Variants in RBPJ observed in about 807,000 individuals in gnomAD.
RBPJ encodes recombination signal binding protein for immunoglobulin kappa J region, also known as recombining binding protein suppressor of hairless.
A neutral mutation model predicts 67.8 loss-of-function variants in RBPJ; 9 were observed. The ratio of observed to expected loss-of-function variants is 0.13; its 90% CI spans 0.08 to 0.23. The LOEUF (loss-of-function observed/expected upper bound fraction) is 0.23, where lower values mean the gene tolerates loss of function less well. Among genes scored for constraint, RBPJ ranks in the 10% least tolerant of loss-of-function variants. The pLI is 1.00. For synonymous variants in RBPJ, 198 were observed against 203.3 expected (o/e 0.97, Z 0.22); for missense variants, 305 against 595.6 (o/e 0.51, Z 5.08).
Position 26,286,407 on chromosome 4 carries a change from A to G in RBPJ, c.-166-76039A>G, listed in dbSNP as rs1577389847. On this transcript the variant is annotated intron_variant, in intron 1 of 4. Transcript: ENST00000512351. ...AGGATCACATGAGCCAAAGAAATCA[A>G]GGCTCTCGTGAGCTGTGGTCGCACC... Among the ~76,000 whole-genome samples the G allele has an allele frequency of 2.7e-5, 4 of 149,792 alleles. No homozygotes were observed. In the South Asian group the frequency reaches 6.3e-4, roughly 24 times the overall value.
At chr4:26,138,459 G>C in the RBPJ span, among the ~76,000 whole-genome samples, 1 of 152,186 alleles carries the variant, frequency 6.6e-6, no homozygotes, top group African/African-American at 2.4e-5. Flanking sequence ...AGCTGCTCTG[G>C]AAAGAGGCTC....
intron 1 of RBPJ, among the ~76,000 whole-genome samples, chr4:26,294,184 G>A (rs1191847495): frequency 2.0e-5 from 3 of 151,792 alleles, no homozygotes; most frequent in Admixed American, 6.6e-5. Context: ...TGCAACCTCT[G>A]TCACCCGGGT....
chr4:26,147,118 G>A, the RBPJ span, among the ~76,000 whole-genome samples: 1 of 152,228 alleles, frequency 6.6e-6, no homozygotes, highest in Admixed American at 6.5e-5. Context: ...TCAGACACGT[G>A]TGTGAGTTCC....
intron 1 of RBPJ, among the ~76,000 whole-genome samples, chr4:26,211,514 A>G: frequency 6.6e-6 from 1 of 152,106 alleles, no homozygotes; most frequent in African/African-American, 2.4e-5. Context: ...TAAATAATTC[A>G]CCTCTGTAAA....
intron 1 of RBPJ, among the ~76,000 whole-genome samples, chr4:26,227,818 C>G (rs1250761551): frequency 6.6e-6 from 1 of 152,254 alleles, no homozygotes; most frequent in African/African-American, 2.4e-5. Context: ...CACGCTTGCT[C>G]CATGTCTCCC....
At chr4:26,387,901 G>A (rs1421460357) in intron 2 of RBPJ, among the ~76,000 whole-genome samples, 1 of 152,120 alleles carries the variant, frequency 6.6e-6, no homozygotes, top group Non-Finnish European at 1.5e-5. Context: ...TATAAAATTG[G>A]GTCCAGGCAT....
intron 1 of RBPJ, among the ~76,000 whole-genome samples, chr4:26,283,709 T>G (rs1721361428): frequency 6.7e-6 from 1 of 150,164 alleles, no homozygotes; most frequent in Non-Finnish European, 1.5e-5. Context: ...TGCCATAGCA[T>G]GATCTCAGCT....
intron 1 of RBPJ, among the ~76,000 whole-genome samples, chr4:26,313,758 C>T (rs1722515373): frequency 6.6e-6 from 1 of 151,816 alleles, no homozygotes; most frequent in African/African-American, 2.4e-5. Flanking sequence ...ATTGCTTGAA[C>T]TTGGGAGGCA....
At chr4:26,205,641 G>A (rs1577470238) in intron 1 of RBPJ, among the ~76,000 whole-genome samples, 1 of 151,296 alleles carries the variant, frequency 6.6e-6, no homozygotes, top group Non-Finnish European at 1.5e-5. Context: ...TGCCCAGGCT[G>A]GAGTGCAGCG....
At chr4:26,222,248 C>T (rs113452356) in intron 1 of RBPJ, among the ~76,000 whole-genome samples, 2,361 of 152,272 alleles carry the variant, frequency 0.016, 76 homozygotes, top group African/African-American at 0.054. Context: ...AATCCCAGCA[C>T]TCTGGGAGGC....
At chr4:26,244,224 C>T (rs1320814511) in intron 1 of RBPJ, among the ~76,000 whole-genome samples, 1 of 140,982 alleles carries the variant, frequency 7.1e-6, no homozygotes, top group Admixed American at 7.4e-5. Context: ...CATATGTGTA[C>T]ACATATATGT....
At chr4:26,113,147 T>A in the RBPJ span, 5 of 222,100 alleles carry the variant, frequency 2.3e-5, no homozygotes, top group Non-Finnish European at 4.7e-5. Context: ...ACAAGAAAGA[T>A]TCCCCATGAA....
rs11729026 is a variant in RBPJ, at chr4:26,402,219, A to G, written c.60-3956A>G. On this transcript the variant is annotated intron_variant, in intron 2 of 10. Transcript: ENST00000355476. Reference sequence around the variant, plus strand: ...TGTTTTCTGATTCACCCTGAACTCTATGTTCAGTCACCTGACTTTGCAACA... The same window carrying G: ...TGTTTTCTGATTCACCCTGAACTCTGTGTTCAGTCACCTGACTTTGCAACA... 1.7e-3 allele frequency among the ~76,000 whole-genome samples: 259 copies of G among 152,212 alleles called. 1 individual carries two copies. The highest frequency in any genetic ancestry group is 2.9e-3 in the Admixed American group (44 of 15,294).
chr4:26,307,444 C>T (rs1159732905), intron 1 of RBPJ, among the ~76,000 whole-genome samples: 1 of 152,068 alleles, frequency 6.6e-6, no homozygotes, highest in Non-Finnish European at 1.5e-5. Flanking sequence ...TGTTTCATTG[C>T]TTATTTCGGA....
the RBPJ span, among the ~76,000 whole-genome samples, chr4:26,129,316 T>C: frequency 9.9e-4 from 151 of 152,362 alleles, no homozygotes; most frequent in Non-Finnish European, 1.9e-3. Flanking sequence ...TAAGAGTATC[T>C]GTATCCAAAA....
Position 26,429,809 on chromosome 4 carries a change from C to T in RBPJ, c.889-89C>T, listed in dbSNP as rs796434574. On this transcript the variant is annotated intron_variant, in intron 8 of 10. Transcript: ENST00000355476. ...TTTTACTGAGTTATCTTCTTATTAA[C>T]TCTTGTCTGAGGGTTACTTGGTAAA... 5.6e-6 allele frequency: 6 copies of T among 1,079,576 alleles called. No individual in the cohort carries two copies. In the African/African-American group the frequency reaches 9.5e-5, roughly 17 times the overall value. The allele number at this position is 1,079,576 out of a possible 1,614,324, so 66.9% of individuals were successfully genotyped here. A position where few individuals can be genotyped will look rare whatever the true frequency, so the allele number is the denominator to read the frequency against.
intron 5 of RBPJ, among the ~76,000 whole-genome samples, chr4:26,422,176 C>T (rs904666781): frequency 6.7e-6 from 1 of 150,114 alleles, no homozygotes; most frequent in African/African-American, 2.5e-5. Context: ...ACATTTATTT[C>T]CATTGGATTG....
chr4:26,215,156 G>C (rs534831531), intron 1 of RBPJ, among the ~76,000 whole-genome samples: 1 of 130,384 alleles, frequency 7.7e-6, no homozygotes, highest in South Asian at 2.5e-4. Context: ...GAGGGAGGGA[G>C]AGAAGGAGGA....
chr4:26,428,907 G>T, intron 8 of RBPJ, 47 bp downstream of exon 8: 1 of 1,459,346 alleles, frequency 6.9e-7, no homozygotes, highest in South Asian at 1.2e-5. Flanking sequence ...CAAACTGTGA[G>T]GTTAGCAGCT....
Sources: gnomAD v4.1 joint callset for allele counts (sites outside exome capture counted in the v4.1 genomes callset) on GRCh38, gnomAD v4.1.1 for gene constraint, MANE v1.5 for transcripts, NCBI Gene and HGNC (gene_info 2026-07-23, HGNC 2026-07-21) for gene names.